RANBP10: variants seen among roughly 807,000 people sequenced by gnomAD.
The protein encoded by RANBP10 is ran-binding protein 10.
Under a neutral mutation model 72.8 loss-of-function variants are expected in RANBP10, and 24 were observed. The observed-to-expected ratio is 0.33, with a 90% CI of 0.24 to 0.46. The LOEUF (loss-of-function observed/expected upper bound fraction) is 0.46, where lower values mean the gene tolerates loss of function less well. RANBP10 is among the 20% of genes least tolerant of loss of function. The probability of loss-of-function intolerance (pLI) is 1.00; values close to 1 mark genes in which losing one functional copy is unlikely to be tolerated. For synonymous variants in RANBP10, 310 were observed against 322.3 expected, an observed-to-expected ratio of 0.96 and a Z score of 0.41; for missense variants, 679 against 817.5, an observed-to-expected ratio of 0.83 and a Z score of 2.07.
chr16:67,771,513 T>TA (rs1365099897), intron 3 of RANBP10, among the ~76,000 whole-genome samples: 1 of 152,064 alleles, frequency 6.6e-6, no homozygotes, highest in Non-Finnish European at 1.5e-5. Flanking sequence ...ACCCGACTAA[T>TA]TTTTTATTTT....
chr16:67,806,500 G>C lies in RANBP10; in HGVS notation c.37C>G (p.Pro13Ala). ...CCGCCGGAGGAGTCCCCAGGCTGCG[G>C]GTTCCCAGCTCCCGGGTCTGCCGTC... ...AATADPGAGN[P>A]QPGDSSGGGA... Residue 13 changes from proline (P) to alanine (A), a missense_variant, in exon 1 of 14, where the codon CCG (proline) becomes GCG (alanine). Pro to Ala is a conservative substitution (Grantham distance 27, BLOSUM62 -1). Transcript: ENST00000317506. 1 of 1,531,598 alleles carries C rather than the reference G, an allele frequency of 6.5e-7. No homozygotes were observed. 94.9% of individuals were successfully genotyped at this position (1,531,598 alleles called of 1,614,324 possible).
chr16:67,783,836 G>A (rs185284993), intron 2 of RANBP10, among the ~76,000 whole-genome samples: 23 of 152,224 alleles, frequency 1.5e-4, no homozygotes, highest in Middle Eastern at 6.8e-3. Flanking sequence ...AAGGTCAGGA[G>A]TTCAAGACCA....
chr16:67,735,452 C>CA (rs1302126439), intron 5 of RANBP10, among the ~76,000 whole-genome samples: 7 of 151,896 alleles, frequency 4.6e-5, no homozygotes, highest in East Asian at 3.9e-4. Context: ...CTCTCTGTCT[C>CA]AAAAAAAATA....
At chr16:67,797,989 C>CAAAAAAAA (rs56801646) in intron 2 of RANBP10, among the ~76,000 whole-genome samples, 1 of 43,870 alleles carries the variant, frequency 2.3e-5, no homozygotes, top group Non-Finnish European at 4.7e-5. Context: ...GACCCTCTCT[C>CAAAAAAAA]AAAAAAAAAA....
intron 4 of RANBP10, among the ~76,000 whole-genome samples, chr16:67,742,883 C>T: frequency 6.6e-6 from 1 of 152,148 alleles, no homozygotes; most frequent in East Asian, 1.9e-4. Context: ...GTCTTGAGGC[C>T]CTGGCCCACC....
At chr16:67,799,509 G>A (rs1358341370) in intron 2 of RANBP10, among the ~76,000 whole-genome samples, 2 of 151,962 alleles carry the variant, frequency 1.3e-5, no homozygotes, top group Non-Finnish European at 1.5e-5. Context: ...CGATGGTCTC[G>A]ATCTCCTTAC....
chr16:67,755,577 G>A (rs1276072320), intron 3 of RANBP10, among the ~76,000 whole-genome samples: 2 of 151,768 alleles, frequency 1.3e-5, no homozygotes, highest in African/African-American at 4.8e-5. Context: ...CCAGCTGCTC[G>A]GAAGGCTGAG....
intron 3 of RANBP10, among the ~76,000 whole-genome samples, chr16:67,767,196 G>C (rs937062540): frequency 5.3e-5 from 8 of 152,012 alleles, no homozygotes; most frequent in African/African-American, 1.9e-4. Flanking sequence ...GGCTCCATAT[G>C]GTCCCATCTC....
intron 3 of RANBP10, among the ~76,000 whole-genome samples, chr16:67,746,966 G>C (rs1214783759): frequency 6.6e-6 from 1 of 152,118 alleles, no homozygotes; most frequent in Non-Finnish European, 1.5e-5. Flanking sequence ...ATAATTTTTA[G>C]CTATTATGAA....
At chr16:67,777,332 T>C (rs1215698187) in intron 2 of RANBP10, among the ~76,000 whole-genome samples, 5 of 151,722 alleles carry the variant, frequency 3.3e-5, no homozygotes, top group South Asian at 4.2e-4. Context: ...GTCAGGAGAT[T>C]GAGACCATCC....
intron 3 of RANBP10, among the ~76,000 whole-genome samples, chr16:67,745,943 G>A (rs570442794): frequency 4.0e-5 from 6 of 151,724 alleles, no homozygotes; most frequent in Non-Finnish European, 7.4e-5. Context: ...GATCAACTGA[G>A]GTCGGGAGTT....
At chr16:67,763,989 G>A (rs1005877982) in intron 3 of RANBP10, among the ~76,000 whole-genome samples, 5 of 152,120 alleles carry the variant, frequency 3.3e-5, no homozygotes, top group Admixed American at 6.6e-5. Flanking sequence ...GAGCCACTGC[G>A]TCCAACCAAG....
At chr16:67,773,858 C>G (rs530554506) in intron 2 of RANBP10, among the ~76,000 whole-genome samples, 10 of 152,210 alleles carry the variant, frequency 6.6e-5, no homozygotes, top group Non-Finnish European at 1.3e-4. Flanking sequence ...TAGCCTGTAG[C>G]TGGACAGGAC....
At chr16:67,799,239 AT>A (rs1456466742) in intron 2 of RANBP10, among the ~76,000 whole-genome samples, 2 of 145,246 alleles carry the variant, frequency 1.4e-5, no homozygotes, top group African/African-American at 2.6e-5. Context: ...CACACAAGGT[AT>A]TTTCAGTCTG....
At chr16:67,746,382 G>A (rs2143006482) in intron 3 of RANBP10, among the ~76,000 whole-genome samples, 1 of 152,070 alleles carries the variant, frequency 6.6e-6, no homozygotes, top group Admixed American at 6.6e-5. Context: ...TCAGGAGGCT[G>A]AGGCAGGAGA....
At chr16:67,782,602 G>A (rs1386835324) in intron 2 of RANBP10, among the ~76,000 whole-genome samples, 2 of 151,810 alleles carry the variant, frequency 1.3e-5, no homozygotes, top group African/African-American at 2.4e-5. Context: ...CAAGGCGTGC[G>A]CTACCACACC....
rs919853721 is a variant in RANBP10 at position 67,730,650 on chromosome 16, C to T, written c.890-604G>A. On this transcript the variant is annotated intron_variant, in intron 7 of 13. Coordinates refer to ENST00000317506, the MANE Select transcript of RANBP10 (RefSeq NM_020850.3). The surrounding 1 kb of genome is among the most constrained non-coding windows in gnomAD (Gnocchi z 4.3). ...TCTTGCCGTGGGGCCTGGTGCATCT[C>T]GCTGGGAGCAACTTCAGAGTCTGAG... Among the ~76,000 whole-genome samples the T allele has an allele frequency of 6.6e-6, 1 of 152,312 alleles. No individual in the cohort carries two copies. Among genetic ancestry groups the T allele is most frequent in the East Asian group, 1.9e-4 (1 of 5,186 alleles).
At chr16:67,760,951 T>C (rs752326713) in intron 3 of RANBP10, among the ~76,000 whole-genome samples, 1 of 152,034 alleles carries the variant, frequency 6.6e-6, no homozygotes, top group Non-Finnish European at 1.5e-5. Flanking sequence ...AACCCCACTC[T>C]CTCCATCAAC....
At chr16:67,754,736 GA>G (rs1483360799) in intron 3 of RANBP10, among the ~76,000 whole-genome samples, 14 of 152,328 alleles carry the variant, frequency 9.2e-5, no homozygotes, top group African/African-American at 2.9e-4. Flanking sequence ...TGGGTGCCAG[GA>G]AAGCCAGTGG....
Sources: allele counts gnomAD v4.1 joint callset (sites outside exome capture counted in the v4.1 genomes callset), GRCh38; gene constraint gnomAD v4.1.1; non-coding constraint Gnocchi (gnomAD v3.1); transcripts MANE v1.5; gene names NCBI Gene and HGNC (gene_info 2026-07-23, HGNC 2026-07-21).